MS4A18: variants seen among roughly 807,000 people sequenced by gnomAD.
MS4A18 encodes membrane spanning 4-domains A18, also known as membrane-spanning 4-domains subfamily A member 18.
Under a neutral mutation model 13.1 loss-of-function variants are expected in MS4A18, and 27 were observed. The ratio of observed to expected loss-of-function variants is 2.06; its 90% CI spans 1.52 to 2.84. The LOEUF is 2.84. MS4A18 is among the 30% of genes most tolerant of loss of function. MS4A18 has a pLI of 0.00. For synonymous variants in MS4A18, 126 were observed against 76.5 expected, an observed-to-expected ratio of 1.65 and a Z score of -3.38; for missense variants, 307 against 196.4, an observed-to-expected ratio of 1.56 and a Z score of -3.37.
At chr11:60,727,046 A>T (rs574443737), upstream of MS4A18, among the ~76,000 whole-genome samples, 3 of 152,102 alleles carry the variant, frequency 2.0e-5, no homozygotes, top group Non-Finnish European at 4.4e-5. Context: ...TTTGCTGAGA[A>T]TGATGGTTTC....
exon 6 of MS4A18, chr11:60,744,130 C>T: frequency 1.7e-6 from 1 of 602,448 alleles, no homozygotes; most frequent in East Asian, 2.8e-5. Flanking sequence ...AATGAACAAG[C>T]ATTTCCTCTC....
At chr11:60,735,186 T>C (rs1853315853) in intron 2 of MS4A18, among the ~76,000 whole-genome samples, 1 of 152,200 alleles carries the variant, frequency 6.6e-6, no homozygotes, top group South Asian at 2.1e-4. Context: ...AATAGTAAAT[T>C]AAATTAAAGT....
chr11:60,733,622 G>C, exon 2 of MS4A18: 1 of 703,594 alleles, frequency 1.4e-6, no homozygotes, highest in Non-Finnish European at 2.6e-6. Context: ...TGGTTGTCAG[G>C]GTACCCGCTC....
chr11:60,725,662 T>C (rs1335665974), upstream of MS4A18, among the ~76,000 whole-genome samples: 1 of 152,194 alleles, frequency 6.6e-6, no homozygotes, highest in Non-Finnish European at 1.5e-5. Context: ...TTTAATATCA[T>C]GAAGCAGAGT....
exon 3 of MS4A18, chr11:60,737,019 C>A: frequency 1.4e-6 from 1 of 701,702 alleles, no homozygotes; most frequent in South Asian, 1.5e-5. Context: ...CTGCAAAGGA[C>A]CCCAGTCCTT....
At chr11:60,730,804 T>C (rs1343517807) in intron 1 of MS4A18, among the ~76,000 whole-genome samples, 1 of 152,128 alleles carries the variant, frequency 6.6e-6, no homozygotes, top group Admixed American at 6.5e-5. Flanking sequence ...GGAATAGAAA[T>C]CCTGGTCAGG....
chr11:60,730,795 G>C (rs1270599438), intron 1 of MS4A18, among the ~76,000 whole-genome samples: 1 of 152,148 alleles, frequency 6.6e-6, no homozygotes, highest in Admixed American at 6.5e-5. Flanking sequence ...CAGCAATCAG[G>C]AATAGAAATC....
chr11:60,736,391 A>G lies in MS4A18; in HGVS notation c.592-587A>G, dbSNP rs182836918. Among the ~76,000 whole-genome samples the G allele has an allele frequency of 4.8e-3, 723 of 152,048 alleles. 5 individuals carry two copies. The highest frequency in any genetic ancestry group is 0.016 in the African/African-American group (676 of 41,516). On this transcript the variant is annotated intron_variant, in intron 2 of 5. Coordinates refer to ENST00000529108, the Ensembl canonical transcript of MS4A18. ...GAACGTCCTGAGCCCAGGCCTCCTC[A>G]TTTCAGGGCTCTCATAACTGAACAG...
chr11:60,742,355 G>A (rs947861205), intron 5 of MS4A18, among the ~76,000 whole-genome samples: 3 of 152,190 alleles, frequency 2.0e-5, no homozygotes, highest in African/African-American at 7.2e-5. Context: ...ATTTCAGTCA[G>A]ATTTGGTCCA....
intron 2 of MS4A18, among the ~76,000 whole-genome samples, chr11:60,736,246 CT>C (rs1201418747): frequency 2.6e-5 from 4 of 151,744 alleles, no homozygotes; most frequent in Non-Finnish European, 5.9e-5. Context: ...ATAGAGAGGG[CT>C]GGAATCATTA....
At chr11:60,730,123 G>T (rs1252035269) in intron 1 of MS4A18, among the ~76,000 whole-genome samples, 1 of 152,198 alleles carries the variant, frequency 6.6e-6, no homozygotes, top group Non-Finnish European at 1.5e-5. Flanking sequence ...CAGGTCTCAG[G>T]CCAGCTAGAT....
chr11:60,742,618 A>G (rs1565062463), intron 5 of MS4A18, among the ~76,000 whole-genome samples: 1 of 152,214 alleles, frequency 6.6e-6, no homozygotes, highest in Non-Finnish European at 1.5e-5. Context: ...AGGTCTTAAC[A>G]AAGGGCTGTA....
chr11:60,736,070 G>T (rs1323835278), intron 2 of MS4A18, among the ~76,000 whole-genome samples: 1 of 152,084 alleles, frequency 6.6e-6, no homozygotes, highest in African/African-American at 2.4e-5. Flanking sequence ...TCCTGTATTT[G>T]CATGCAGCTG....
exon 6 of MS4A18, chr11:60,743,671 G>C: frequency 1.4e-6 from 1 of 702,872 alleles, no homozygotes; most frequent in Non-Finnish European, 2.6e-6. Context: ...GATTCCAACC[G>C]TATTCAGTTT....
exon 1 of MS4A18, chr11:60,729,772 G>A: frequency 1.4e-6 from 1 of 699,932 alleles, no homozygotes; most frequent in South Asian, 1.5e-5. Flanking sequence ...AAATGAGGAG[G>A]TCAGAACATT....
chr11:60,740,119 T>A (rs55738317), intron 4 of MS4A18, among the ~76,000 whole-genome samples: 1 of 152,096 alleles, frequency 6.6e-6, no homozygotes, highest in Non-Finnish European at 1.5e-5. Context: ...TGTGTTCATG[T>A]GGAACCAAGA....
exon 6 of MS4A18, chr11:60,744,138 C>T: frequency 1.7e-6 from 1 of 597,962 alleles, no homozygotes; most frequent in Middle Eastern, 4.3e-4. Flanking sequence ...AGCATTTCCT[C>T]TCCTCTTCAC....
chr11:60,729,932 C>G, intron 1 of MS4A18, 146 bp downstream of exon 2: 1 of 597,186 alleles, frequency 1.7e-6, no homozygotes, highest in Non-Finnish European at 3.0e-6. Context: ...GGACCCAGTA[C>G]AATCACCCAG....
rs79634577 is a variant in MS4A18 at position 60,729,594 on chromosome 11, G to A, written c.279G>A (p.Thr93=). ...CAGTGGGAACAGCCAGTTTGCAGACGGTGCCTGGAGTGATCCAATACACAC... is the reference window on the plus strand; with the variant it reads ...CAGTGGGAACAGCCAGTTTGCAGACAGTGCCTGGAGTGATCCAATACACAC... The change falls in exon 1 of 6, where the codon ACG becomes ACA. Residue 93 remains threonine, a synonymous_variant. Transcript: ENST00000529108. 0.012 allele frequency: 8,140 copies of A among 702,602 alleles called. 424 individuals are homozygous for A. The African/African-American group carries it at 0.12, about 10-fold the overall frequency. 43.5% of individuals were successfully genotyped at this position (702,602 alleles called of 1,614,324 possible). A position where few individuals can be genotyped will look rare whatever the true frequency, so the allele number is the denominator to read the frequency against.
Sources: allele counts gnomAD v4.1 joint callset (sites outside exome capture counted in the v4.1 genomes callset), GRCh38; gene constraint gnomAD v4.1.1; transcripts MANE v1.5; gene names NCBI Gene and HGNC (gene_info 2026-07-23, HGNC 2026-07-21).